The following CLTB variants were observed in gnomAD, a reference collection of about 807,000 sequenced individuals.
The protein encoded by CLTB is clathrin light chain B.
Under a neutral mutation model 30.5 loss-of-function variants are expected in CLTB, and 10 were observed. The observed-to-expected ratio is 0.33, with a 90% CI of 0.20 to 0.56. CLTB has a LOEUF of 0.56. Among genes scored for constraint, CLTB ranks in the 20% least tolerant of loss-of-function variants. The pLI, the probability that CLTB is intolerant of heterozygous loss-of-function variation, is 0.91. For missense variants in CLTB, 261 were observed against 308.3 expected (o/e 0.85, Z 1.15); for synonymous variants, 102 against 120.3 (o/e 0.85, Z 1.00).
intron 2 of CLTB, among the ~76,000 whole-genome samples, chr5:176,409,991 T>C (rs141334497): frequency 7.4e-4 from 112 of 152,274 alleles, no homozygotes; most frequent in African/African-American, 2.5e-3. Context: ...GTGGGCCACT[T>C]GACCTCTCCC....
intron 2 of CLTB, among the ~76,000 whole-genome samples, chr5:176,398,919 T>C (rs1756679763): frequency 1.3e-5 from 2 of 151,526 alleles, no homozygotes; most frequent in Admixed American, 1.3e-4. Flanking sequence ...GTTGGTTCAC[T>C]GCAACCTCTG....
chr5:176,410,709 T>C (rs533598248), intron 1 of CLTB, among the ~76,000 whole-genome samples: 1 of 151,728 alleles, frequency 6.6e-6, no homozygotes, highest in East Asian at 1.9e-4. Flanking sequence ...GCTGAGCTGC[T>C]GTAAGCTCAG....
intron 1 of CLTB, among the ~76,000 whole-genome samples, chr5:176,410,861 C>A (rs769202280): frequency 6.6e-6 from 1 of 152,190 alleles, no homozygotes. Flanking sequence ...TCTCTTTGTG[C>A]CCCTCCCAGA....
chr5:176,393,162 G>A lies in CLTB; in HGVS notation c.519-217C>T, dbSNP rs929064616. ...TTGCTATCACCTCTTCCTGGAACAC[G>A]CTTCTCCCAGACCTGTTCCTGGCTT... On this transcript the variant is annotated intron_variant, in intron 5 of 5. Coordinates refer to ENST00000310418, the MANE Select transcript of CLTB (RefSeq NM_007097.5). The surrounding 1 kb of genome is among the most constrained non-coding windows in gnomAD (Gnocchi z 4.4). Among the ~76,000 whole-genome samples, 25 of 151,992 alleles carry A rather than the reference G, an allele frequency of 1.6e-4. No individual in the cohort carries two copies. The highest frequency in any genetic ancestry group is 3.1e-4 in the African/African-American group (13 of 41,378).
Position 176,397,598 on chromosome 5 carries a change from C to G in CLTB, c.464+9G>C, listed in dbSNP as rs1224255190. On this transcript the variant is annotated intron_variant, in intron 4 of 5. Transcript: ENST00000310418. ...CCATGGCCCCCTCATGTCCCTACAG[C>G]CCTCTCACCGGTTGTTGATCTTGTT... 2.5e-6 allele frequency: 4 copies of G among 1,586,888 alleles called. No homozygotes were observed. In the African/African-American group the frequency reaches 4.2e-5, roughly 16 times the overall value.
chr5:176,410,048 C>T (rs1757348943), intron 2 of CLTB, among the ~76,000 whole-genome samples: 1 of 152,202 alleles, frequency 6.6e-6, no homozygotes, highest in Non-Finnish European at 1.5e-5. Context: ...TACTGCCCAT[C>T]AATCTCGATC....
chr5:176,394,603 G>C (rs1408286281), intron 5 of CLTB, among the ~76,000 whole-genome samples: 1 of 146,908 alleles, frequency 6.8e-6, no homozygotes, highest in Non-Finnish European at 1.5e-5. Flanking sequence ...GGATCACGAG[G>C]TCAGATGGAG....
chr5:176,398,108 C>G (rs541136384), intron 2 of CLTB, 61 bp from the exon 3 acceptor site: 1 of 1,492,640 alleles, frequency 6.7e-7, no homozygotes, highest in Admixed American at 1.7e-5. Flanking sequence ...GTCTCTGCTG[C>G]CCCTGCTGGG....
Position 176,416,323 on chromosome 5 carries a change from C to A in CLTB, c.41G>T (p.Gly14Val). Residue 14 changes from glycine to valine, a missense_variant, in exon 1 of 6, where the codon GGT (glycine) becomes GTT (valine). By Grantham distance (109) the Gly-to-Val change is moderately radical. Coordinates refer to ENST00000310418, the MANE Select transcript of CLTB (RefSeq NM_007097.5). ...GTCCTCCTCCGCCGCCTCCGGGGCA[C>A]CGCTCTCCGACGACGAGAAGAAGCC... Reference protein sequence around the residue: ...DFGFFSSSESGAPEAAEEDPA... With the variant: ...DFGFFSSSESVAPEAAEEDPA... The A allele has an allele frequency of 1.9e-6, 3 of 1,602,552 alleles. No homozygotes were observed. The highest frequency in any genetic ancestry group is 2.6e-6 in the Non-Finnish European group (3 of 1,176,248).
chr5:176,401,043 T>C (rs1756794053), intron 2 of CLTB, among the ~76,000 whole-genome samples: 1 of 152,066 alleles, frequency 6.6e-6, no homozygotes, highest in South Asian at 2.1e-4. Flanking sequence ...CCACCCTTAC[T>C]CCTCTCCAGC....
chr5:176,416,500 C>G lies in CLTB; in HGVS notation c.-137G>C. ...CGGCGGGGACGGGCTTGGCGCGGAC[C>G]GCACTTCCTCTCCGCCACCGGGCCC... On this transcript the variant is annotated 5_prime_UTR_variant, in exon 1 of 6. Coordinates refer to ENST00000310418, the MANE Select transcript of CLTB (RefSeq NM_007097.5). 1 of 645,908 alleles carries G rather than the reference C, an allele frequency of 1.5e-6. No individual in the cohort carries two copies. 40.0% of individuals were successfully genotyped at this position (645,908 alleles called of 1,614,324 possible).
intron 1 of CLTB, among the ~76,000 whole-genome samples, chr5:176,412,940 G>A (rs149008623): frequency 2.6e-5 from 4 of 152,160 alleles, no homozygotes; most frequent in Admixed American, 2.6e-4. Flanking sequence ...TGGCCTTCTC[G>A]AGAATTTGCA....
chr5:176,412,027 T>C (rs1475593470), intron 1 of CLTB, among the ~76,000 whole-genome samples: 1 of 151,764 alleles, frequency 6.6e-6, no homozygotes, highest in Non-Finnish European at 1.5e-5. Flanking sequence ...ATACAAAAAA[T>C]TAGCCAGGCG....
intron 1 of CLTB, 128 bp from the exon 2 acceptor site, chr5:176,410,431 G>A: frequency 1.5e-6 from 1 of 670,910 alleles, no homozygotes; most frequent in East Asian, 2.8e-5. Context: ...CATGCAAACA[G>A]ACATAATGGA....
In CLTB at chr5:176,396,403, A is replaced by G. The variant is rs143340859; in HGVS notation, c.518+76T>C. 290 of 1,291,156 alleles carry G rather than the reference A, an allele frequency of 2.2e-4. 4 individuals are homozygous for G. The highest frequency in any genetic ancestry group is 1.9e-3 in the African/African-American group (132 of 68,552). The allele number at this position is 1,291,156 out of a possible 1,614,324, so 80.0% of individuals were successfully genotyped here. A position where few individuals can be genotyped will look rare whatever the true frequency, so the allele number is the denominator to read the frequency against. On this transcript the variant is annotated intron_variant, in intron 5 of 5. Transcript: ENST00000310418. ...CCAGCCACACTCATTTATATCCCAC[A>G]AGCAGGAAACTCAAGAAACTGTGGT...
chr5:176,395,036 C>T (rs908186307), intron 5 of CLTB, among the ~76,000 whole-genome samples: 3 of 152,202 alleles, frequency 2.0e-5, no homozygotes, highest in Admixed American at 2.0e-4. Flanking sequence ...GCACAACAGG[C>T]GCTTTGCAAC....
chr5:176,409,322 T>C (rs1305205980), intron 2 of CLTB, among the ~76,000 whole-genome samples: 5 of 148,404 alleles, frequency 3.4e-5, no homozygotes, highest in South Asian at 2.1e-4. Flanking sequence ...AGGACCATAC[T>C]GTGTATATTA....
chr5:176,395,877 G>A (rs1372413392), intron 5 of CLTB, among the ~76,000 whole-genome samples: 1 of 152,214 alleles, frequency 6.6e-6, no homozygotes, highest in Non-Finnish European at 1.5e-5. Flanking sequence ...GCTCATGCCT[G>A]TAATCCCAGC....
intron 2 of CLTB, among the ~76,000 whole-genome samples, chr5:176,403,092 C>T (rs969418050): frequency 2.6e-5 from 4 of 151,100 alleles, no homozygotes; most frequent in Non-Finnish European, 1.5e-5. Flanking sequence ...CTCTGTCGCC[C>T]AGGCTGGAGT....
Sources: gnomAD v4.1 joint callset for allele counts (sites outside exome capture counted in the v4.1 genomes callset) on GRCh38, gnomAD v4.1.1 for gene constraint, Gnocchi (gnomAD v3.1) non-coding constraint, MANE v1.5 for transcripts, NCBI Gene and HGNC (gene_info 2026-07-23, HGNC 2026-07-21) for gene names.